The following CHCHD6 variants were observed in gnomAD, a reference collection of about 807,000 sequenced individuals.
CHCHD6 encodes the protein MICOS complex subunit MIC25.
CHCHD6 carries 28 observed loss-of-function variants against 32.3 expected under a neutral mutation model. The observed-to-expected ratio is 0.87, with a 90% CI of 0.64 to 1.19. CHCHD6 has a LOEUF of 1.19. Among genes scored for constraint, CHCHD6 ranks in the 50% most tolerant of loss-of-function variants. The pLI, the probability that CHCHD6 is intolerant of heterozygous loss-of-function variation, is 0.00. For missense variants in CHCHD6, 333 were observed against 307.0 expected (o/e 1.08, Z -0.63); for synonymous variants, 122 against 117.5 (o/e 1.04, Z -0.25).
intron 4 of CHCHD6, among the ~76,000 whole-genome samples, chr3:126,820,068 A>G (rs1665570831): frequency 6.6e-6 from 1 of 152,230 alleles, no homozygotes; most frequent in Admixed American, 6.5e-5. Flanking sequence ...TGATGCCTCT[A>G]GAGGCCATAA....
intron 4 of CHCHD6, among the ~76,000 whole-genome samples, chr3:126,848,002 CAG>C (rs1414132072): frequency 1.3e-5 from 2 of 152,166 alleles, no homozygotes; most frequent in Non-Finnish European, 2.9e-5. Context: ...ATTTTTGAGA[CAG>C]AGTCTTACTC....
chr3:126,800,354 G>A (rs1203564818), intron 4 of CHCHD6, among the ~76,000 whole-genome samples: 1 of 152,140 alleles, frequency 6.6e-6, no homozygotes, highest in Non-Finnish European at 1.5e-5. Flanking sequence ...TGTGACAGCT[G>A]GAAAAGAGGT....
intron 1 of CHCHD6, among the ~76,000 whole-genome samples, chr3:126,709,339 G>A (rs1220559085): frequency 6.6e-6 from 1 of 152,194 alleles, no homozygotes; most frequent in African/African-American, 2.4e-5. Flanking sequence ...ATGGTATCCT[G>A]TTGTATGTAT....
chr3:126,871,539 G>T (rs987314073), intron 5 of CHCHD6, among the ~76,000 whole-genome samples: 1 of 152,064 alleles, frequency 6.6e-6, no homozygotes, highest in African/African-American at 2.4e-5. Context: ...CTTCTCCCCA[G>T]GATGACGTGT....
At chr3:126,766,037 T>A (rs1937358080) in intron 4 of CHCHD6, among the ~76,000 whole-genome samples, 2 of 152,118 alleles carry the variant, frequency 1.3e-5, no homozygotes. Context: ...TCTGATTAAA[T>A]GGCGATTCCT....
At chr3:126,763,064 T>A (rs1307556541) in intron 4 of CHCHD6, among the ~76,000 whole-genome samples, 1 of 152,202 alleles carries the variant, frequency 6.6e-6, no homozygotes, top group Non-Finnish European at 1.5e-5. Context: ...CCATTTTTGC[T>A]ATTTGTATAG....
chr3:126,948,105 C>T (rs2078665647), intron 6 of CHCHD6, among the ~76,000 whole-genome samples: 1 of 152,224 alleles, frequency 6.6e-6, no homozygotes, highest in Admixed American at 6.5e-5. Flanking sequence ...CCCGGTCATT[C>T]CTGCCCATCC....
intron 4 of CHCHD6, among the ~76,000 whole-genome samples, chr3:126,843,790 A>G (rs1941193338): frequency 6.6e-6 from 1 of 152,210 alleles, no homozygotes; most frequent in South Asian, 2.1e-4. Flanking sequence ...TTCCTGAGGT[A>G]GTATTCACTT....
chr3:126,923,854 G>A lies in CHCHD6; in HGVS notation c.566+9104G>A, dbSNP rs901013716. The stretch of plus-strand genomic sequence containing the variant: ...TCACATTTTAGTGAGAGATTGGAGT[G>A]TAATAGCCAAAAGAGAGCACATTCC... On this transcript the variant is annotated intron_variant, in intron 6 of 7. Transcript: ENST00000290913. Among the ~76,000 whole-genome samples, 4 of 152,344 alleles carry A rather than the reference G, an allele frequency of 2.6e-5. No individual in the cohort carries two copies. The East Asian group carries it at 5.8e-4, about 22-fold the overall frequency.
At chr3:126,754,667 G>A (rs1447142066) in intron 4 of CHCHD6, among the ~76,000 whole-genome samples, 1 of 152,198 alleles carries the variant, frequency 6.6e-6, no homozygotes, top group Non-Finnish European at 1.5e-5. Flanking sequence ...GTTTTCAGGG[G>A]AGATTGATTT....
intron 5 of CHCHD6, among the ~76,000 whole-genome samples, chr3:126,857,064 C>T (rs1160241185): frequency 1.3e-5 from 2 of 152,164 alleles, no homozygotes; most frequent in Non-Finnish European, 2.9e-5. Flanking sequence ...TTAATAAATG[C>T]CTGGCCTTCA....
intron 6 of CHCHD6, among the ~76,000 whole-genome samples, chr3:126,923,849 G>A (rs2078286990): frequency 6.6e-6 from 1 of 152,234 alleles, no homozygotes; most frequent in African/African-American, 2.4e-5. Flanking sequence ...GTGAGAGATT[G>A]GAGTGTAATA....
chr3:126,737,300 C>CA (rs1327530145), intron 4 of CHCHD6, among the ~76,000 whole-genome samples: 1 of 151,666 alleles, frequency 6.6e-6, no homozygotes, highest in Non-Finnish European at 1.5e-5. Flanking sequence ...GCCTGGGCGA[C>CA]ACGGTGAGAT....
intron 6 of CHCHD6, among the ~76,000 whole-genome samples, chr3:126,936,543 A>T (rs1214358509): frequency 1.3e-5 from 2 of 152,190 alleles, no homozygotes; most frequent in Non-Finnish European, 2.9e-5. Context: ...CATTATTAAA[A>T]TTAATTGTAA....
chr3:126,851,015 ACTT>A (rs1457155228), intron 4 of CHCHD6, among the ~76,000 whole-genome samples: 3 of 152,128 alleles, frequency 2.0e-5, no homozygotes, highest in Admixed American at 6.5e-5. Context: ...CCAGGTTACT[ACTT>A]CTTCTCCCTT....
intron 4 of CHCHD6, among the ~76,000 whole-genome samples, chr3:126,742,935 A>G (rs1401333005): frequency 6.6e-6 from 1 of 152,156 alleles, no homozygotes; most frequent in East Asian, 1.9e-4. Context: ...ATTTCTAACC[A>G]TCAGATAGGT....
chr3:126,919,866 C>T (rs895174358), intron 6 of CHCHD6, among the ~76,000 whole-genome samples: 5 of 151,196 alleles, frequency 3.3e-5, no homozygotes, highest in Admixed American at 1.3e-4. Flanking sequence ...TAAGCCATAC[C>T]TAGTTATTGA....
chr3:126,842,833 G>C (rs1315959302), intron 4 of CHCHD6, among the ~76,000 whole-genome samples: 1 of 130,630 alleles, frequency 7.7e-6, no homozygotes, highest in Non-Finnish European at 1.6e-5. Context: ...TTTTTTTGGT[G>C]GGTGTGACCT....
chr3:126,730,449 G>C (rs769213836), intron 2 of CHCHD6, 112 bp from the exon 3 acceptor site: 82 of 821,996 alleles, frequency 1.0e-4, no homozygotes, highest in Non-Finnish European at 1.4e-4. Context: ...CTGTGATGCT[G>C]CCTTCCAAGG....
Sources: gnomAD v4.1 joint callset for allele counts (sites outside exome capture counted in the v4.1 genomes callset) on GRCh38, gnomAD v4.1.1 for gene constraint, MANE v1.5 for transcripts, NCBI Gene and HGNC (gene_info 2026-07-23, HGNC 2026-07-21) for gene names.